Variants in TMEM108 observed in about 807,000 individuals in gnomAD.
The protein encoded by TMEM108 is transmembrane protein 108.
A neutral mutation model predicts 35.1 loss-of-function variants in TMEM108; 12 were observed. The ratio of observed to expected loss-of-function variants is 0.34; its 90% CI spans 0.22 to 0.55. The LOEUF (loss-of-function observed/expected upper bound fraction) is 0.55, where lower values mean the gene tolerates loss of function less well. Ranked by LOEUF, TMEM108 falls within the 20% of genes least tolerant of loss-of-function variation. The probability of loss-of-function intolerance (pLI) is 0.89; values close to 1 mark genes in which losing one functional copy is unlikely to be tolerated. For missense variants in TMEM108, 680 were observed against 753.3 expected, an observed-to-expected ratio of 0.90 and a Z score of 1.14; for synonymous variants, 287 against 308.6, an observed-to-expected ratio of 0.93 and a Z score of 0.73.
At chr3:133,294,242 C>T (rs1947112323) in intron 3 of TMEM108, among the ~76,000 whole-genome samples, 1 of 152,160 alleles carries the variant, frequency 6.6e-6, no homozygotes. Context: ...TAGAAATCTT[C>T]CAACCTTAGG....
intron 5 of TMEM108, among the ~76,000 whole-genome samples, chr3:133,393,107 C>T (rs941761820): frequency 1.3e-5 from 2 of 152,196 alleles, no homozygotes; most frequent in Non-Finnish European, 2.9e-5. Context: ...GCTCTTCCTC[C>T]TGCACAGGAA....
intron 4 of TMEM108, chr3:133,387,500 TGCATCTG>T (rs1425279665): frequency 7.7e-5 from 76 of 985,320 alleles, no homozygotes; most frequent in Admixed American, 1.8e-4. Context: ...GCAGGATCTC[TGCATCTG>T]GCATTCTAAC....
At chr3:133,084,799 G>A (rs1468002491) in intron 2 of TMEM108, among the ~76,000 whole-genome samples, 1 of 152,200 alleles carries the variant, frequency 6.6e-6, no homozygotes, top group Non-Finnish European at 1.5e-5. Flanking sequence ...AGCACAGGGA[G>A]ATAGAAGTTC....
intron 3 of TMEM108, among the ~76,000 whole-genome samples, chr3:133,324,606 A>G (rs566530556): frequency 3.9e-5 from 6 of 152,354 alleles, no homozygotes; most frequent in African/African-American, 9.6e-5. Context: ...GGAAAACAGT[A>G]TGGAGATTCC....
chr3:133,100,468 G>A (rs1311270640), intron 2 of TMEM108, among the ~76,000 whole-genome samples: 1 of 152,150 alleles, frequency 6.6e-6, no homozygotes, highest in Admixed American at 6.5e-5. Context: ...GCTGGGCATA[G>A]CAGTGCACTC....
chr3:133,226,140 AG>A (rs144867633), intron 2 of TMEM108, among the ~76,000 whole-genome samples: 1,889 of 152,336 alleles, frequency 0.012, 15 homozygotes, highest in South Asian at 0.025. Context: ...TATTATTTGA[AG>A]ACCTGGAATC....
intron 3 of TMEM108, among the ~76,000 whole-genome samples, chr3:133,238,484 A>G (rs1382348029): frequency 6.6e-6 from 1 of 152,242 alleles, no homozygotes; most frequent in Non-Finnish European, 1.5e-5. Context: ...AAACACAAGT[A>G]TAGATAAAAT....
At chr3:133,330,014 C>A (rs1307017842) in intron 3 of TMEM108, among the ~76,000 whole-genome samples, 5 of 152,158 alleles carry the variant, frequency 3.3e-5, no homozygotes, top group African/African-American at 1.2e-4. Context: ...TTGCATCTGG[C>A]AGTTTCCTGC....
chr3:133,211,242 T>G (rs1401138037), intron 2 of TMEM108, among the ~76,000 whole-genome samples: 1 of 152,170 alleles, frequency 6.6e-6, no homozygotes, highest in Non-Finnish European at 1.5e-5. Context: ...GAACTGTGCC[T>G]ACTTTCTATG....
intron 2 of TMEM108, among the ~76,000 whole-genome samples, chr3:133,072,503 C>G (rs531490436): frequency 6.6e-6 from 1 of 152,002 alleles, no homozygotes; most frequent in African/African-American, 2.4e-5. Flanking sequence ...GATCATAACT[C>G]TTATGTCAGT....
chr3:133,295,980 C>T (rs1226483788), intron 3 of TMEM108, among the ~76,000 whole-genome samples: 2 of 152,204 alleles, frequency 1.3e-5, no homozygotes, highest in Admixed American at 6.5e-5. Flanking sequence ...CATGAAAGAG[C>T]TGGACGGATA....
In TMEM108 at chr3:133,379,914, C is replaced by G. The variant is rs760440546; in HGVS notation, c.203C>G (p.Pro68Arg). ...CATACTTCTGTGGTGATGCTGACCCCCAATCCCGATGGACCCCCCTCACAG... is the reference window on the plus strand; with the variant it reads ...CATACTTCTGTGGTGATGCTGACCCGCAATCCCGATGGACCCCCCTCACAG... ...TRHTSVVMLTPNPDGPPSQAA... is the reference protein window; with the variant it reads ...TRHTSVVMLTRNPDGPPSQAA... The change falls in exon 4 of 6, where the codon CCC becomes CGC. Residue 68 changes from proline (P) to arginine (R), a missense_variant. Pro to Arg is a moderately radical substitution (Grantham distance 103). Transcript: ENST00000321871. 5 of 1,613,896 alleles carry G rather than the reference C, an allele frequency of 3.1e-6. No homozygotes were observed. Among genetic ancestry groups the G allele is most frequent in the Non-Finnish European group, 2.5e-6 (3 of 1,179,926 alleles).
intron 3 of TMEM108, among the ~76,000 whole-genome samples, chr3:133,300,211 A>C (rs1947201041): frequency 6.6e-6 from 1 of 152,050 alleles, no homozygotes; most frequent in Non-Finnish European, 1.5e-5. Context: ...GACCACATTT[A>C]AGAATGTAAA....
At chr3:133,091,135 GTTACTGTT>G (rs1943942484) in intron 2 of TMEM108, among the ~76,000 whole-genome samples, 1 of 152,124 alleles carries the variant, frequency 6.6e-6, no homozygotes, top group Non-Finnish European at 1.5e-5. Flanking sequence ...TACTGACACT[GTTACTGTT>G]AAAAATATTT....
chr3:133,266,156 A>C (rs1218277612), intron 3 of TMEM108, among the ~76,000 whole-genome samples: 1 of 151,352 alleles, frequency 6.6e-6, no homozygotes, highest in Admixed American at 6.6e-5. Flanking sequence ...TTCTTCCTCC[A>C]CCCAGCCTTA....
chr3:133,262,435 A>G (rs1946637720), intron 3 of TMEM108, among the ~76,000 whole-genome samples: 2 of 152,346 alleles, frequency 1.3e-5, no homozygotes, highest in Non-Finnish European at 2.9e-5. Flanking sequence ...CATCAATCTC[A>G]TGATCTCCTC....
chr3:133,124,805 T>A (rs1463111354), intron 2 of TMEM108: 1 of 152,212 alleles, frequency 6.6e-6, no homozygotes, highest in Non-Finnish European at 1.5e-5. Context: ...TTTCCCTGAT[T>A]GGAACAAGAC....
At chr3:133,092,662 A>G (rs1019880262) in intron 2 of TMEM108, among the ~76,000 whole-genome samples, 2 of 152,152 alleles carry the variant, frequency 1.3e-5, no homozygotes, top group Admixed American at 6.5e-5. Context: ...TTCCTAATTC[A>G]TGGTATAGTC....
chr3:133,198,840 G>T lies in TMEM108; in HGVS notation c.-46-30426G>T, dbSNP rs143410351. On this transcript the variant is annotated intron_variant, in intron 2 of 5. Transcript: ENST00000321871. ...TTTGAATGTCGGCCTGCCTTGCTAG[G>T]TTGGGGAAGTTCTCTTCCAGGAGTG... 5.1e-3 allele frequency among the ~76,000 whole-genome samples: 773 copies of T among 152,210 alleles called. 6 individuals carry two copies. The highest frequency in any genetic ancestry group is 9.3e-3 in the Admixed American group (142 of 15,290).
Sources: gnomAD v4.1 joint callset for allele counts (sites outside exome capture counted in the v4.1 genomes callset) on GRCh38, gnomAD v4.1.1 for gene constraint, MANE v1.5 for transcripts, NCBI Gene and HGNC (gene_info 2026-07-23, HGNC 2026-07-21) for gene names.